The following SAMM50 variants were observed in gnomAD, a reference collection of about 807,000 sequenced individuals.
SAMM50 encodes sorting and assembly machinery component 50 homolog.
Under a neutral mutation model 66.9 loss-of-function variants are expected in SAMM50, and 47 were observed. That is an observed-to-expected ratio of 0.70 (90% CI 0.56 to 0.90). The LOEUF (loss-of-function observed/expected upper bound fraction) is 0.90, where lower values mean the gene tolerates loss of function less well. Ranked by LOEUF, SAMM50 falls within the 40% of genes least tolerant of loss-of-function variation. The pLI is 0.00. For missense variants in SAMM50, 535 were observed against 595.3 expected, an observed-to-expected ratio of 0.90 and a Z score of 1.05; for synonymous variants, 191 against 214.1, an observed-to-expected ratio of 0.89 and a Z score of 0.94.
chr22:43,970,213 G>A (rs1446184466), intron 4 of SAMM50, among the ~76,000 whole-genome samples: 1 of 151,696 alleles, frequency 6.6e-6, no homozygotes, highest in African/African-American at 2.4e-5. Context: ...GGGCTGGCGT[G>A]GTTTCCTGTG....
At chr22:43,975,964 A>G (rs2050229116) in intron 7 of SAMM50, 91 bp from the exon 8 acceptor site, 1 of 1,343,422 alleles carries the variant, frequency 7.4e-7, no homozygotes, top group Non-Finnish European at 1.0e-6. Context: ...TATTTAGTTC[A>G]TTGTTTCATG....
chr22:43,968,549 C>T (rs530953765), intron 3 of SAMM50, among the ~76,000 whole-genome samples, 182 bp from the exon 4 acceptor site: 1 of 152,308 alleles, frequency 6.6e-6, no homozygotes, highest in African/African-American at 2.4e-5. Flanking sequence ...TGTGAATGGG[C>T]ATTTTTGTTG....
At chr22:43,995,889 T>A (rs944163619) in intron 14 of SAMM50, among the ~76,000 whole-genome samples, 1 of 152,172 alleles carries the variant, frequency 6.6e-6, no homozygotes, top group Non-Finnish European at 1.5e-5. Flanking sequence ...CCTGTAGGGC[T>A]GTGGGTACTG....
At chr22:43,957,193 C>G in intron 1 of SAMM50, 1 of 691,510 alleles carries the variant, frequency 1.4e-6, no homozygotes, top group South Asian at 1.6e-5. Flanking sequence ...CATAGTGACT[C>G]CTGGCGGCAA....
intron 12 of SAMM50, chr22:43,986,871 A>T (rs1234202351): frequency 6.6e-6 from 1 of 152,124 alleles, no homozygotes; most frequent in South Asian, 2.1e-4. Context: ...AATCTTCAGC[A>T]CCTTTGTTGC....
chr22:43,983,978 C>T lies in SAMM50; in HGVS notation c.1053C>T (p.His351=). The change falls in exon 12 of 15, where the codon CAC becomes CAT. Residue 351 remains histidine (H), a synonymous_variant. Coordinates refer to ENST00000350028, the MANE Select transcript of SAMM50 (RefSeq NM_015380.5). This position sits in a 1 kb window ranked among gnomAD's most constrained non-coding sequence, Gnocchi z 4.2. Reference sequence around the variant, plus strand: ...CAAGCATCCGCGGATTCAGCATGCACAGCATCGGGCCACAGAGCGAAGGTC... The same window carrying T: ...CAAGCATCCGCGGATTCAGCATGCATAGCATCGGGCCACAGAGCGAAGGTC... ...GPTSIRGFSM[H]SIGPQSEGDY... 2 of 1,611,754 alleles carry T rather than the reference C, an allele frequency of 1.2e-6. No individual in the cohort carries two copies. The highest frequency in any genetic ancestry group is 8.5e-7 in the Non-Finnish European group (1 of 1,179,126).
At position 43,986,602 on chromosome 22, in the gene SAMM50, G is replaced by A. The variant is rs572904093; in HGVS notation, c.1076-2509G>A. On this transcript the variant is annotated intron_variant, in intron 12 of 14. Coordinates refer to ENST00000350028, the MANE Select transcript of SAMM50 (RefSeq NM_015380.5). The stretch of plus-strand genomic sequence containing the variant: ...GTCTCGCTCTGTTGCCCAGGCTGGA[G>A]TGCAGTGGCGTGATCTCAGCTGACT... 5.9e-5 allele frequency: 9 copies of A among 151,894 alleles called. No individual in the cohort carries two copies. In the East Asian group the frequency reaches 1.8e-3, roughly 30 times the overall value. 9.4% of individuals were successfully genotyped at this position (151,894 alleles called of 1,614,324 possible).
chr22:43,973,047 G>A, intron 6 of SAMM50, 46 bp downstream of exon 6: 1 of 1,568,800 alleles, frequency 6.4e-7, no homozygotes, highest in Non-Finnish European at 8.6e-7. Flanking sequence ...TGATAGAAAA[G>A]TTAAAATAGG....
chr22:43,978,101 C>T, intron 10 of SAMM50, 143 bp downstream of exon 10: 1 of 590,814 alleles, frequency 1.7e-6, no homozygotes, highest in Non-Finnish European at 3.0e-6. Flanking sequence ...CCAGTTTAGC[C>T]AGATTTGCAG....
chr22:43,972,942 A>C lies in SAMM50; in HGVS notation c.501A>C (p.Thr167=). 1.2e-6 allele frequency: 2 copies of C among 1,602,276 alleles called. No individual in the cohort carries two copies. Among genetic ancestry groups the C allele is most frequent in the Non-Finnish European group, 1.7e-6 (2 of 1,177,566 alleles). The change falls in exon 6 of 15, where the codon ACA becomes ACC. Residue 167 remains threonine (T), a synonymous_variant. Transcript: ENST00000350028. The part of the protein sequence containing the change: ...EKVTFQFSYG[T]KETSYGLSFF... Reference sequence around the variant, plus strand: ...TGACCTTTCAGTTTTCCTATGGAACAAAAGAAACTTCGTATGGCCTGTCCT... The same window carrying C: ...TGACCTTTCAGTTTTCCTATGGAACCAAAGAAACTTCGTATGGCCTGTCCT...
At position 43,972,220 on chromosome 22, in the gene SAMM50, A is replaced by G; in HGVS notation, c.323-16A>G. The G allele has an allele frequency of 6.7e-7, 1 of 1,497,890 alleles. No homozygotes were observed. The highest frequency in any genetic ancestry group is 9.1e-7 in the Non-Finnish European group (1 of 1,104,108). The allele number at this position is 1,497,890 out of a possible 1,614,324, so 92.8% of individuals were successfully genotyped here. The stretch of plus-strand genomic sequence containing the variant: ...AACATCCTGGCTGTCTTATTGTTTA[A>G]TATTTTTTTATTTAGGTGATGACGC... On this transcript the variant is annotated splice_polypyrimidine_tract_variant and intron_variant, in intron 4 of 14. Transcript: ENST00000350028.
chr22:43,984,142 T>G, intron 12 of SAMM50, 142 bp downstream of exon 12: 1 of 623,546 alleles, frequency 1.6e-6, no homozygotes, highest in Non-Finnish European at 2.7e-6. Flanking sequence ...GAACTTACCA[T>G]GTAGCAGGTG....
Position 43,996,479 on chromosome 22 carries a change from T to C in SAMM50, c.*96T>C. 8.7e-7 allele frequency: 1 copy of C among 1,149,308 alleles called. No individual in the cohort carries two copies. Among genetic ancestry groups the C allele is most frequent in the Non-Finnish European group, 1.3e-6 (1 of 756,854 alleles). 71.2% of individuals were successfully genotyped at this position (1,149,308 alleles called of 1,614,324 possible). ...GAGGAAACGCGGTTCAGCGATTCTT[T>C]GACTGCGGACCCTGTGGGAAACCCC... On this transcript the variant is annotated 3_prime_UTR_variant, in exon 15 of 15. Transcript: ENST00000350028.
intron 4 of SAMM50, among the ~76,000 whole-genome samples, chr22:43,971,177 G>A (rs995665407): frequency 2.6e-5 from 4 of 152,138 alleles, no homozygotes; most frequent in Admixed American, 1.3e-4. Flanking sequence ...CAGAAAAAAA[G>A]AAAAGACAGT....
At chr22:43,971,788 G>A (rs987770882) in intron 4 of SAMM50, among the ~76,000 whole-genome samples, 1 of 152,016 alleles carries the variant, frequency 6.6e-6, no homozygotes, top group African/African-American at 2.4e-5. Flanking sequence ...ATAGCTCACT[G>A]CAGCCTCCAA....
chr22:43,963,342 T>A lies in SAMM50; in HGVS notation c.78T>A (p.Ala26=). The change falls in exon 2 of 15, where the codon GCT becomes GCA. Residue 26 remains alanine (A), a synonymous_variant. Transcript: ENST00000350028. ...GPDFGGLGEE[A]EFVEVEPEAK... ...ATTTTGGAGGATTAGGAGAAGAAGC[T>A]GAATTTGTTGAAGTTGAGCCTGAAG... 6.2e-7 allele frequency: 1 copy of A among 1,613,398 alleles called. No homozygotes were observed. Among genetic ancestry groups the A allele is most frequent in the African/African-American group, 1.3e-5 (1 of 75,036 alleles).
Position 43,955,470 on chromosome 22 carries a change from G to C in SAMM50, c.-108G>C. On this transcript the variant is annotated 5_prime_UTR_variant, in exon 1 of 15. Transcript: ENST00000350028. The stretch of plus-strand genomic sequence containing the variant: ...GTTCCGCGTCCGGGGGTTTGTGGGA[G>C]TTGCCTTGACCTGCAGCTCCGCCAC... The C allele has an allele frequency of 7.6e-7, 1 of 1,318,808 alleles. No individual in the cohort carries two copies. Among genetic ancestry groups the C allele is most frequent in the Non-Finnish European group, 1.1e-6 (1 of 942,534 alleles). The allele number at this position is 1,318,808 out of a possible 1,614,324, so 81.7% of individuals were successfully genotyped here.
At chr22:43,966,142 T>G (rs2050172243) in intron 3 of SAMM50, among the ~76,000 whole-genome samples, 1 of 152,192 alleles carries the variant, frequency 6.6e-6, no homozygotes, top group Non-Finnish European at 1.5e-5. Flanking sequence ...CCTGGCCCTC[T>G]ACATTTTATT....
At chr22:43,994,775 C>A (rs980563232) in intron 14 of SAMM50, among the ~76,000 whole-genome samples, 3 of 152,124 alleles carry the variant, frequency 2.0e-5, no homozygotes, top group Non-Finnish European at 4.4e-5. Context: ...AACTTCGCAG[C>A]GCTGCTTTGA....
Sources: allele counts gnomAD v4.1 joint callset (sites outside exome capture counted in the v4.1 genomes callset), GRCh38; gene constraint gnomAD v4.1.1; non-coding constraint Gnocchi (gnomAD v3.1); transcripts MANE v1.5; gene names NCBI Gene and HGNC (gene_info 2026-07-23, HGNC 2026-07-21).